DAAM1: variants seen among roughly 807,000 people sequenced by gnomAD.
DAAM1 encodes dishevelled associated activator of morphogenesis 1.
Under a neutral mutation model 130.0 loss-of-function variants are expected in DAAM1, and 52 were observed. The observed-to-expected ratio is 0.40, with a 90% CI of 0.32 to 0.50. The LOEUF (loss-of-function observed/expected upper bound fraction) is 0.50. Among genes scored for constraint, DAAM1 ranks in the 20% least tolerant of loss-of-function variants. The probability of loss-of-function intolerance (pLI) is 0.61; values close to 1 mark genes in which losing one functional copy is unlikely to be tolerated. For synonymous variants in DAAM1, 452 were observed against 444.5 expected, an observed-to-expected ratio of 1.02 and a Z score of -0.21; for missense variants, 1,134 against 1,303.8, an observed-to-expected ratio of 0.87 and a Z score of 2.01.
At chr14:59,230,027 A>G (rs1156498864) in intron 1 of DAAM1, among the ~76,000 whole-genome samples, 2 of 152,210 alleles carry the variant, frequency 1.3e-5, no homozygotes, top group Non-Finnish European at 2.9e-5. Flanking sequence ...CTGATTTTAA[A>G]TTTAAGGCCC....
intron 1 of DAAM1, among the ~76,000 whole-genome samples, chr14:59,218,204 G>A (rs1046961592): frequency 1.3e-5 from 2 of 152,186 alleles, no homozygotes; most frequent in Non-Finnish European, 1.5e-5. Context: ...CACTAGCCAC[G>A]TGCAGGCTAG....
chr14:59,328,561 C>T (rs1231794241), intron 12 of DAAM1, among the ~76,000 whole-genome samples: 1 of 152,202 alleles, frequency 6.6e-6, no homozygotes, highest in South Asian at 2.1e-4. Flanking sequence ...TGAGTCTCAG[C>T]TCTCCCCCTT....
At chr14:59,340,594 A>T (rs1016014059) in intron 16 of DAAM1, among the ~76,000 whole-genome samples, 3 of 152,218 alleles carry the variant, frequency 2.0e-5, no homozygotes, top group Non-Finnish European at 4.4e-5. Flanking sequence ...TTTCATTTCA[A>T]GGTTATATGA....
intron 1 of DAAM1, among the ~76,000 whole-genome samples, chr14:59,209,471 T>G (rs1017668044): frequency 6.6e-6 from 1 of 152,208 alleles, no homozygotes; most frequent in African/African-American, 2.4e-5. Context: ...CACTTGCAGT[T>G]TTTTGATATT....
intron 1 of DAAM1, among the ~76,000 whole-genome samples, chr14:59,237,962 T>C (rs1000421221): frequency 3.9e-5 from 6 of 152,226 alleles, no homozygotes; most frequent in African/African-American, 1.4e-4. Flanking sequence ...CTCCCTCAGA[T>C]CTTTCCATCA....
At chr14:59,330,392 T>G (rs1885379415) in intron 12 of DAAM1, 109 bp from the exon 13 acceptor site, 1 of 1,011,212 alleles carries the variant, frequency 9.9e-7, no homozygotes, top group African/African-American at 1.6e-5. Flanking sequence ...ATTTACCTAA[T>G]AAAGATCCTC....
At chr14:59,345,490 T>A (rs965952460) in intron 16 of DAAM1, among the ~76,000 whole-genome samples, 2 of 152,184 alleles carry the variant, frequency 1.3e-5, no homozygotes, top group African/African-American at 4.8e-5. Flanking sequence ...GATTCCCAAA[T>A]TTTTTCCTTC....
intron 1 of DAAM1, among the ~76,000 whole-genome samples, chr14:59,204,992 CT>C (rs1280322588): frequency 2.0e-5 from 3 of 152,164 alleles, no homozygotes; most frequent in Non-Finnish European, 4.4e-5. Flanking sequence ...CCTGTTGCTA[CT>C]TTTTTTGTTT....
At chr14:59,361,176 C>T (rs1221354422) in intron 22 of DAAM1, among the ~76,000 whole-genome samples, 1 of 152,134 alleles carries the variant, frequency 6.6e-6, no homozygotes. Context: ...CAGGGACGCT[C>T]TCAGTTTCCA....
In DAAM1 at chr14:59,347,562, T is replaced by A; in HGVS notation, c.2099T>A (p.Ile700Asn). The A allele has an allele frequency of 6.2e-7, 1 of 1,613,710 alleles. No individual in the cohort carries two copies. Residue 700 changes from isoleucine to asparagine, a missense_variant, in exon 17 of 25, where the codon ATC becomes AAC. Around this residue, in one of 3 missense-constraint regions of DAAM1, gnomAD observed 644 missense variants for 695.9 expected, o/e 0.93. Coordinates refer to ENST00000360909, the MANE Select transcript of DAAM1 (RefSeq NM_001270520.2). Reference sequence around the variant, plus strand: ...AGGTTGAAATTATCCAATGACGAAATCAAACGGGCAATTCTAACAATGGAC... The same window carrying A: ...AGGTTGAAATTATCCAATGACGAAAACAAACGGGCAATTCTAACAATGGAC... ...LSRLKLSNDEIKRAILTMDEQ... is the reference protein window; with the variant it reads ...LSRLKLSNDENKRAILTMDEQ...
At chr14:59,266,142 T>A (rs1171075733) in intron 2 of DAAM1, 1 of 152,052 alleles carries the variant, frequency 6.6e-6, no homozygotes, top group East Asian at 1.9e-4. Flanking sequence ...AAGTCTCTTG[T>A]TCAAGTTGGT....
At chr14:59,225,265 A>T (rs1031710863) in intron 1 of DAAM1, among the ~76,000 whole-genome samples, 1 of 152,122 alleles carries the variant, frequency 6.6e-6, no homozygotes, top group Non-Finnish European at 1.5e-5. Context: ...TGACCTTGTG[A>T]TCTGCCCACC....
At chr14:59,280,602 TGAATA>T (rs1025459888) in intron 2 of DAAM1, among the ~76,000 whole-genome samples, 5 of 133,574 alleles carry the variant, frequency 3.7e-5, no homozygotes, top group Non-Finnish European at 6.1e-5. Context: ...GATGCAAAGA[TGAATA>T]GAACAAATTG....
intron 1 of DAAM1, among the ~76,000 whole-genome samples, chr14:59,253,194 T>C (rs1162247500): frequency 6.6e-6 from 1 of 152,200 alleles, no homozygotes; most frequent in Admixed American, 6.5e-5. Flanking sequence ...ATGATAAAAC[T>C]GAGTTTCAGA....
chr14:59,299,346 G>A (rs773348972), intron 3 of DAAM1, among the ~76,000 whole-genome samples: 4 of 152,076 alleles, frequency 2.6e-5, no homozygotes, highest in African/African-American at 2.4e-5. Flanking sequence ...CTAATTTCTC[G>A]CTCCTCTGTA....
chr14:59,218,427 T>G (rs1404868122), intron 1 of DAAM1, among the ~76,000 whole-genome samples: 3 of 152,238 alleles, frequency 2.0e-5, no homozygotes, highest in African/African-American at 7.2e-5. Context: ...GATGTGCCAT[T>G]TTGCTCCAAT....
intron 1 of DAAM1, among the ~76,000 whole-genome samples, chr14:59,216,617 A>G (rs1044066284): frequency 2.6e-5 from 4 of 152,120 alleles, no homozygotes; most frequent in African/African-American, 9.7e-5. Flanking sequence ...GGTATTTGGG[A>G]GGCTGAGGCC....
At chr14:59,296,353 T>G (rs999179039) in intron 3 of DAAM1, among the ~76,000 whole-genome samples, 6 of 152,120 alleles carry the variant, frequency 3.9e-5, no homozygotes, top group Admixed American at 3.3e-4. Context: ...ACCAAAGCAA[T>G]GCAGTTGGTG....
At chr14:59,280,796 G>A (rs59232273) in intron 2 of DAAM1, among the ~76,000 whole-genome samples, 2 of 152,118 alleles carry the variant, frequency 1.3e-5, no homozygotes, top group African/African-American at 4.8e-5. Context: ...TTGCCTCTTA[G>A]ACATGGTGGG....
Sources: allele counts gnomAD v4.1 joint callset (sites outside exome capture counted in the v4.1 genomes callset), GRCh38; gene constraint gnomAD v4.1.1; regional missense constraint gnomAD v4.1.1; transcripts MANE v1.5; gene names NCBI Gene and HGNC (gene_info 2026-07-23, HGNC 2026-07-21).